PTPRD: variants seen among roughly 807,000 people sequenced by gnomAD.
PTPRD encodes the protein protein tyrosine phosphatase receptor type D.
PTPRD carries 34 observed loss-of-function variants against 214.5 expected under a neutral mutation model. The observed-to-expected ratio is 0.16, with a 90% CI of 0.12 to 0.21. PTPRD has a LOEUF of 0.21. Ranked by LOEUF, PTPRD falls within the 10% of genes least tolerant of loss-of-function variation. The probability of loss-of-function intolerance (pLI) is 1.00; values close to 1 mark genes in which losing one functional copy is unlikely to be tolerated. For missense variants in PTPRD, 2,545 were observed against 2,398.7 expected, an observed-to-expected ratio of 1.06 and a Z score of -1.27; for synonymous variants, 1,128 against 845.7, an observed-to-expected ratio of 1.33 and a Z score of -5.79.
At chr9:8,895,514 T>C (rs974325495) in intron 11 of PTPRD, among the ~76,000 whole-genome samples, 1 of 152,116 alleles carries the variant, frequency 6.6e-6, no homozygotes, top group Admixed American at 6.6e-5. Context: ...GTGTGGAAGA[T>C]TTTTCAGGGA....
At chr9:10,508,099 A>T (rs962430178) in intron 2 of PTPRD, among the ~76,000 whole-genome samples, 1 of 152,134 alleles carries the variant, frequency 6.6e-6, no homozygotes, top group Non-Finnish European at 1.5e-5. Flanking sequence ...AAACAAATTT[A>T]CGAGAAGTAA....
intron 11 of PTPRD, among the ~76,000 whole-genome samples, chr9:8,782,287 CTT>C (rs2095745530): frequency 6.6e-6 from 1 of 152,034 alleles, no homozygotes; most frequent in African/African-American, 2.4e-5. Flanking sequence ...AAAATCTACT[CTT>C]AGCAATTTTC....
intron 14 of PTPRD, among the ~76,000 whole-genome samples, chr9:8,586,525 G>T (rs1478105743): frequency 6.6e-6 from 1 of 152,048 alleles, no homozygotes; most frequent in Non-Finnish European, 1.5e-5. Context: ...ATCAAAAAAA[G>T]GGAACCTAAC....
At chr9:9,155,903 T>A (rs1176171370) in intron 10 of PTPRD, among the ~76,000 whole-genome samples, 1 of 152,162 alleles carries the variant, frequency 6.6e-6, no homozygotes, top group Non-Finnish European at 1.5e-5. Flanking sequence ...CTCATTTCCC[T>A]GGAGCCTGCT....
chr9:9,518,937 T>G (rs2096900036), intron 8 of PTPRD, among the ~76,000 whole-genome samples: 1 of 152,056 alleles, frequency 6.6e-6, no homozygotes, highest in Non-Finnish European at 1.5e-5. Context: ...ATATGTATTC[T>G]TCTATAATGA....
At position 10,154,651 on chromosome 9, in the gene PTPRD, G is replaced by C. The variant is rs1431926841; in HGVS notation, c.-544-120861C>G. ...AATTGACTTTTCTATATGGGGTCCA[G>C]TTTCAGTCTTCTGCATATAGCTAGC... On this transcript the variant is annotated intron_variant, in intron 3 of 45. Coordinates refer to ENST00000381196, the MANE Select transcript of PTPRD (RefSeq NM_002839.4). Among the ~76,000 whole-genome samples, 4 of 152,068 alleles carry C rather than the reference G, an allele frequency of 2.6e-5. 1 individual carries two copies. The highest frequency in any genetic ancestry group is 5.9e-5 in the Non-Finnish European group (4 of 67,970).
intron 35 of PTPRD, among the ~76,000 whole-genome samples, chr9:8,434,582 C>T (rs1217269331): frequency 1.3e-5 from 2 of 152,098 alleles, no homozygotes; most frequent in Non-Finnish European, 2.9e-5. Context: ...GGCTTACTAA[C>T]AGGTCGAGCT....
At chr9:8,341,025 G>A in intron 41 of PTPRD, 65 bp downstream of exon 41, 3 of 1,418,136 alleles carry the variant, frequency 2.1e-6, no homozygotes, top group Non-Finnish European at 2.8e-6. Context: ...ATTTATTCTG[G>A]TTATTAAACT....
chr9:10,519,078 T>C (rs1213752611), intron 2 of PTPRD, among the ~76,000 whole-genome samples: 1 of 151,714 alleles, frequency 6.6e-6, no homozygotes, highest in Non-Finnish European at 1.5e-5. Context: ...CAGCAGCATA[T>C]CCTCATTGTC....
chr9:9,522,453 C>T (rs1453625324), intron 8 of PTPRD, among the ~76,000 whole-genome samples: 1 of 152,038 alleles, frequency 6.6e-6, no homozygotes, highest in Admixed American at 6.6e-5. Context: ...GTAAGTTCAG[C>T]TATAGTAAAA....
intron 4 of PTPRD, among the ~76,000 whole-genome samples, chr9:9,991,154 G>A (rs1384383213): frequency 2.0e-5 from 3 of 151,676 alleles, no homozygotes; most frequent in Non-Finnish European, 2.9e-5. Context: ...GGCTGATCCT[G>A]AACTCCTGAC....
chr9:8,731,440 T>C (rs2098657892), intron 12 of PTPRD, among the ~76,000 whole-genome samples: 1 of 152,194 alleles, frequency 6.6e-6, no homozygotes, highest in Non-Finnish European at 1.5e-5. Context: ...AATGAAGGCA[T>C]AAGAAAACAA....
At chr9:9,997,509 G>A (rs1360407800) in intron 4 of PTPRD, among the ~76,000 whole-genome samples, 1 of 152,024 alleles carries the variant, frequency 6.6e-6, no homozygotes, top group Non-Finnish European at 1.5e-5. Context: ...GGCTGGTCTT[G>A]AACTCCCACC....
intron 7 of PTPRD, among the ~76,000 whole-genome samples, chr9:9,676,567 A>C (rs1234639150): frequency 6.6e-6 from 1 of 152,098 alleles, no homozygotes; most frequent in Non-Finnish European, 1.5e-5. Flanking sequence ...TGTTATTGTG[A>C]ATAGTGCTGC....
At chr9:9,837,273 G>A (rs1599261321) in intron 5 of PTPRD, among the ~76,000 whole-genome samples, 1 of 152,260 alleles carries the variant, frequency 6.6e-6, no homozygotes, top group South Asian at 2.1e-4. Flanking sequence ...CTAGGTGAGT[G>A]ATGAAAATAT....
At chr9:8,493,077 C>T (rs1047106759) in intron 26 of PTPRD, 98 bp from the exon 27 acceptor site, 2 of 961,076 alleles carry the variant, frequency 2.1e-6, no homozygotes, top group Non-Finnish European at 3.3e-6. Flanking sequence ...AATGCTCGCA[C>T]ATCCCTTGCA....
intron 9 of PTPRD, among the ~76,000 whole-genome samples, chr9:9,195,700 T>C (rs191467913): frequency 6.6e-4 from 93 of 140,044 alleles, no homozygotes; most frequent in African/African-American, 2.4e-3. Context: ...TCCTCAGCCA[T>C]CAACATTTTT....
At chr9:10,169,549 T>C (rs1005939484) in intron 3 of PTPRD, among the ~76,000 whole-genome samples, 1 of 151,252 alleles carries the variant, frequency 6.6e-6, no homozygotes, top group Non-Finnish European at 1.5e-5. Context: ...GGCTGTACCT[T>C]CCACAAATAA....
chr9:9,945,262 T>C (rs2092386765), intron 4 of PTPRD, among the ~76,000 whole-genome samples: 1 of 151,934 alleles, frequency 6.6e-6, no homozygotes, highest in South Asian at 2.1e-4. Flanking sequence ...AAACCTGAGA[T>C]TACGGAGAAA....
Sources: gnomAD v4.1 joint callset for allele counts (sites outside exome capture counted in the v4.1 genomes callset) on GRCh38, gnomAD v4.1.1 for gene constraint, MANE v1.5 for transcripts, NCBI Gene and HGNC (gene_info 2026-07-23, HGNC 2026-07-21) for gene names.